MYO16: variants seen among roughly 807,000 people sequenced by gnomAD.
MYO16 encodes the protein unconventional myosin-XVI.
In MYO16, 94 loss-of-function variants were observed where a neutral mutation model predicts 205.3. That is an observed-to-expected ratio of 0.46 (90% CI 0.39 to 0.54). The LOEUF (loss-of-function observed/expected upper bound fraction) is 0.54. Among genes scored for constraint, MYO16 ranks in the 20% least tolerant of loss-of-function variants. The pLI is 0.00. For missense variants in MYO16, 2,315 were observed against 2,387.5 expected, an observed-to-expected ratio of 0.97 and a Z score of 0.63; for synonymous variants, 988 against 954.0, an observed-to-expected ratio of 1.04 and a Z score of -0.66.
intron 7 of MYO16, among the ~76,000 whole-genome samples, chr13:108,811,706 CTG>C (rs2138995145): frequency 6.6e-6 from 1 of 152,248 alleles, no homozygotes; most frequent in East Asian, 1.9e-4. Flanking sequence ...ACCCAGTGGA[CTG>C]TGTCGAGATA....
At position 108,624,551 on chromosome 13, in the gene MYO16, GAA is replaced by G. The variant is rs534377365; in HGVS notation, c.-39+28315_-39+28316del. On this transcript the variant is annotated intron_variant, in intron 1 of 24. Transcript: ENST00000251041. ...TGTCCAAGGTCAAACACCTGAAATG[GAA>G]AAGTCTTCCTAGATAGTTGTAACGC... 1.8e-4 allele frequency among the ~76,000 whole-genome samples: 27 copies of G among 152,204 alleles called. No homozygotes were observed. The South Asian group carries it at 5.4e-3, about 30-fold the overall frequency.
At chr13:108,944,914 A>C (rs1882876264) in intron 16 of MYO16, among the ~76,000 whole-genome samples, 1 of 152,158 alleles carries the variant, frequency 6.6e-6, no homozygotes, top group Non-Finnish European at 1.5e-5. Context: ...TGAGTAACCC[A>C]GTTTTTGCTA....
At chr13:109,110,116 C>A (rs1889239833) in intron 28 of MYO16, among the ~76,000 whole-genome samples, 1 of 152,202 alleles carries the variant, frequency 6.6e-6, no homozygotes, top group Non-Finnish European at 1.5e-5. Flanking sequence ...TGGGGCAAAC[C>A]ATTATTGACA....
At chr13:108,969,256 T>C (rs1400687560) in intron 20 of MYO16, among the ~76,000 whole-genome samples, 1 of 152,224 alleles carries the variant, frequency 6.6e-6, no homozygotes, top group Non-Finnish European at 1.5e-5. Context: ...TTAAATTACA[T>C]CAAATTATTT....
upstream of MYO16, among the ~76,000 whole-genome samples, chr13:108,625,006 C>T (rs1384831181): frequency 6.6e-6 from 1 of 152,126 alleles, no homozygotes; most frequent in East Asian, 1.9e-4. Flanking sequence ...CGTTATATGA[C>T]AAATTCACTT....
At position 109,125,022 on chromosome 13, in the gene MYO16, T is replaced by C; in HGVS notation, c.3536-90T>C. 1.5e-6 allele frequency: 2 copies of C among 1,376,902 alleles called. No homozygotes were observed. Among genetic ancestry groups the C allele is most frequent in the South Asian group, 2.8e-5 (2 of 72,724 alleles). 85.3% of individuals were successfully genotyped at this position (1,376,902 alleles called of 1,614,324 possible). ...TAAATGTACCTTATTCTACAACTGC[T>C]CAGAGATAAGTATATTATGATTTTT... is the stretch of plus-strand genomic sequence containing the variant. On this transcript the variant is annotated intron_variant, in intron 29 of 34. Transcript: ENST00000457511. This position sits in a 1 kb window ranked among gnomAD's most constrained non-coding sequence, Gnocchi z 4.0.
At chr13:108,665,225 A>G (rs1881672423) in intron 1 of MYO16, among the ~76,000 whole-genome samples, 1 of 152,090 alleles carries the variant, frequency 6.6e-6, no homozygotes, top group South Asian at 2.1e-4. Flanking sequence ...TCGGGACTAT[A>G]GCCACATGCC....
chr13:109,123,283 G>C (rs1460106258), intron 29 of MYO16, among the ~76,000 whole-genome samples: 2 of 152,178 alleles, frequency 1.3e-5, no homozygotes, highest in Non-Finnish European at 2.9e-5. Flanking sequence ...TTCCGGAGGC[G>C]GGACAATAGA....
chr13:109,115,098 G>A (rs2139747073), intron 28 of MYO16, among the ~76,000 whole-genome samples: 1 of 151,478 alleles, frequency 6.6e-6, no homozygotes, highest in South Asian at 2.1e-4. Flanking sequence ...GAAACACTCA[G>A]CACTCCTAAA....
chr13:108,807,319 A>T (rs1887145762), intron 7 of MYO16, among the ~76,000 whole-genome samples: 1 of 152,110 alleles, frequency 6.6e-6, no homozygotes, highest in African/African-American at 2.4e-5. Context: ...TCTATCATAA[A>T]TTTCAGTAGT....
intron 2 of MYO16, among the ~76,000 whole-genome samples, chr13:108,699,390 T>C (rs1883214456): frequency 6.6e-6 from 1 of 152,158 alleles, no homozygotes; most frequent in African/African-American, 2.4e-5. Flanking sequence ...GTTCTTTTTG[T>C]TTATTTGTAA....
At chr13:109,013,261 C>T (rs934715726) in intron 22 of MYO16, among the ~76,000 whole-genome samples, 2 of 152,000 alleles carry the variant, frequency 1.3e-5, no homozygotes, top group Non-Finnish European at 2.9e-5. Flanking sequence ...GTGATGGTTT[C>T]CAGATTCATC....
chr13:109,102,506 G>GTA (rs753121373), intron 28 of MYO16, among the ~76,000 whole-genome samples: 1 of 144,372 alleles, frequency 6.9e-6, no homozygotes, highest in African/African-American at 2.6e-5. Context: ...GTGTGTGTGT[G>GTA]TGTATATATA....
At chr13:109,089,106 A>AT (rs1888538678) in intron 27 of MYO16, among the ~76,000 whole-genome samples, 1 of 152,164 alleles carries the variant, frequency 6.6e-6, no homozygotes, top group African/African-American at 2.4e-5. Flanking sequence ...TATGACCCTG[A>AT]TTTAGAAGAC....
chr13:108,772,230 A>G (rs1885990163), intron 4 of MYO16, among the ~76,000 whole-genome samples: 1 of 152,076 alleles, frequency 6.6e-6, no homozygotes, highest in African/African-American at 2.4e-5. Context: ...ATGGTGGTGC[A>G]CACCTGTGGT....
At chr13:109,126,513 T>C (rs567349679) in intron 30 of MYO16, among the ~76,000 whole-genome samples, 2 of 152,350 alleles carry the variant, frequency 1.3e-5, no homozygotes, top group Non-Finnish European at 2.9e-5. Context: ...AAGATAACTA[T>C]TAATTTTATA....
At chr13:108,518,980 T>C in the MYO16 span, among the ~76,000 whole-genome samples, 241 of 152,338 alleles carry the variant, frequency 1.6e-3, 5 homozygotes, top group South Asian at 0.048. Flanking sequence ...TTTAGTAATG[T>C]GATCTCAGAT....
At position 109,019,781 on chromosome 13, in the gene MYO16, C is replaced by CA. The variant is rs1566464398; in HGVS notation, c.2673dup (p.Leu892ThrfsTer45). The CA allele has an allele frequency of 6.2e-7, 1 of 1,613,962 alleles. No individual in the cohort carries two copies. The highest frequency in any genetic ancestry group is 1.7e-5 in the Admixed American group (1 of 59,988). ...ATTTGGTCAGTGGAATCAAATTTTCCAAAAAAACTACAAAGTCTCCTAGAA... is the reference window on the plus strand; with the variant it reads ...ATTTGGTCAGTGGAATCAAATTTTCCAAAAAAAACTACAAAGTCTCCTAGAA... On this transcript the variant is annotated frameshift_variant, in exon 23 of 35. Transcript: ENST00000457511. LOFTEE classifies it high-confidence loss of function.
At chr13:108,608,662 T>G (rs1444184415) in intron 1 of MYO16, among the ~76,000 whole-genome samples, 2 of 151,948 alleles carry the variant, frequency 1.3e-5, no homozygotes, top group African/African-American at 4.8e-5. Context: ...ATTTTTTTTT[T>G]GAGACAGTCC....
Sources: gnomAD v4.1 joint callset for allele counts (sites outside exome capture counted in the v4.1 genomes callset) on GRCh38, gnomAD v4.1.1 for gene constraint, Gnocchi (gnomAD v3.1) non-coding constraint, MANE v1.5 for transcripts, NCBI Gene and HGNC (gene_info 2026-07-23, HGNC 2026-07-21) for gene names.